Variants in SLC30A7 observed in about 807,000 individuals in gnomAD.
The protein encoded by SLC30A7 is zinc transporter 7.
Under a neutral mutation model 46.0 loss-of-function variants are expected in SLC30A7, and 35 were observed. The ratio of observed to expected loss-of-function variants is 0.76; its 90% confidence interval spans 0.58 to 1.01. SLC30A7 has a LOEUF of 1.01. SLC30A7 is among the 50% of genes least tolerant of loss of function. The pLI is 0.00. For synonymous variants in SLC30A7, 147 were observed against 157.8 expected (o/e 0.93, Z 0.51); for missense variants, 464 against 451.1 (o/e 1.03, Z -0.26).
rs1557968325 is a variant in SLC30A7 at position 100,896,112 on chromosome 1, G to GTGTGTC, written c.-141_-136dup. The stretch of plus-strand genomic sequence containing the variant: ...GCCGGAAGTAAGCGAATTCCCGGGT[G>GTGTGTC]TGTGTCTGTGTCTGTCTGTGTCTCG... On this transcript the variant is annotated 5_prime_UTR_variant, in exon 1 of 11. Transcript: ENST00000357650. 2 of 674,616 alleles carry GTGTGTC rather than the reference G, an allele frequency of 3.0e-6. No homozygotes were observed. The highest frequency in any genetic ancestry group is 5.3e-6 in the Non-Finnish European group (2 of 376,938). 41.8% of individuals were successfully genotyped at this position (674,616 alleles called of 1,614,324 possible).
intron 8 of SLC30A7, among the ~76,000 whole-genome samples, chr1:100,948,250 C>T (rs1346579921): frequency 6.6e-6 from 1 of 151,774 alleles, no homozygotes; most frequent in Non-Finnish European, 1.5e-5. Flanking sequence ...CCCACAGAAT[C>T]TCTCCACATT....
chr1:100,954,404 T>TA (rs916584865), intron 8 of SLC30A7, among the ~76,000 whole-genome samples: 5 of 152,066 alleles, frequency 3.3e-5, no homozygotes, highest in Non-Finnish European at 7.4e-5. Context: ...AGGATTAAAT[T>TA]AAAAAAAATT....
At chr1:100,973,064 A>C (rs1384502794) in intron 10 of SLC30A7, among the ~76,000 whole-genome samples, 1 of 151,802 alleles carries the variant, frequency 6.6e-6, no homozygotes, top group Non-Finnish European at 1.5e-5. Flanking sequence ...ACAGGAAAAA[A>C]AAAAAGAAAA....
At chr1:100,924,258 A>C (rs1213857479) in intron 8 of SLC30A7, among the ~76,000 whole-genome samples, 5 of 152,150 alleles carry the variant, frequency 3.3e-5, no homozygotes, top group Non-Finnish European at 5.9e-5. Context: ...GGTCTCTCTC[A>C]GTACTTCTCA....
intron 5 of SLC30A7, among the ~76,000 whole-genome samples, chr1:100,912,524 A>G (rs1390150165): frequency 6.6e-6 from 1 of 152,120 alleles, no homozygotes; most frequent in Admixed American, 6.5e-5. Context: ...AAATCTACTT[A>G]TCAGAAAGTT....
In SLC30A7 at chr1:100,961,878, C is replaced by A; in HGVS notation, c.893C>A (p.Pro298His). The stretch of plus-strand genomic sequence containing the variant: ...GTTGGAATATTAATGCAGAGAACTC[C>A]TCCCCTATTAGAAAATAGTCTGCCT... ...ESVGILMQRT[P>H]PLLENSLPQC... Residue 298 changes from proline to histidine, a missense_variant, in exon 9 of 11, where the codon CCT becomes CAT. Pro to His is a moderately conservative substitution (Grantham distance 77). Transcript: ENST00000357650. 6.2e-7 allele frequency: 1 copy of A among 1,608,038 alleles called. No individual in the cohort carries two copies. Among genetic ancestry groups the A allele is most frequent in the Non-Finnish European group, 8.5e-7 (1 of 1,176,280 alleles).
chr1:100,904,689 T>G (rs1420025022), intron 2 of SLC30A7, among the ~76,000 whole-genome samples: 1 of 152,238 alleles, frequency 6.6e-6, no homozygotes, highest in African/African-American at 2.4e-5. Flanking sequence ...TTTGTGCTTT[T>G]AGTAATCTCT....
chr1:100,970,894 A>G (rs1162262542), intron 10 of SLC30A7, among the ~76,000 whole-genome samples: 3 of 152,276 alleles, frequency 2.0e-5, no homozygotes, highest in Admixed American at 6.5e-5. Context: ...AGAAAAGTCT[A>G]TAATACGCTT....
Position 100,913,679 on chromosome 1 carries a change from T to C in SLC30A7, c.528T>C (p.His176=), listed in dbSNP as rs1652281333. Residue 176 remains histidine, a synonymous_variant, in exon 6 of 11, where the codon CAT becomes CAC. Transcript: ENST00000357650. ...GTTTTCTAGGCCACGGACACAGTCA[T>C]TCCCTCTTTAATGGTGCTCTAGATC... ...HSHGSGHGHS[H]SLFNGALDQA... The C allele has an allele frequency of 1.9e-6, 3 of 1,613,752 alleles. No individual in the cohort carries two copies.
At chr1:100,962,417 T>C (rs568748815) in intron 9 of SLC30A7, among the ~76,000 whole-genome samples, 28 of 152,344 alleles carry the variant, frequency 1.8e-4, no homozygotes, top group Non-Finnish European at 3.2e-4. Context: ...CTAAGGAAGT[T>C]ATATTCAAGG....
intron 2 of SLC30A7, among the ~76,000 whole-genome samples, chr1:100,905,322 C>G (rs1465782335): frequency 6.6e-6 from 1 of 151,586 alleles, no homozygotes; most frequent in Non-Finnish European, 1.5e-5. Flanking sequence ...CTTTCTTCCC[C>G]TCTGGTTTTC....
At chr1:100,917,952 G>C in intron 6 of SLC30A7, 125 bp from the exon 7 acceptor site, 1 of 544,492 alleles carries the variant, frequency 1.8e-6, no homozygotes, top group Non-Finnish European at 3.1e-6. Flanking sequence ...AAATAAATTT[G>C]TAAGTTTGAT....
intron 8 of SLC30A7, among the ~76,000 whole-genome samples, chr1:100,926,988 C>T (rs1356881429): frequency 6.6e-6 from 1 of 151,962 alleles, no homozygotes; most frequent in Non-Finnish European, 1.5e-5. Flanking sequence ...GAAGAATATC[C>T]CTGGTGAGGG....
At chr1:100,930,105 GA>G (rs1355719365) in intron 8 of SLC30A7, among the ~76,000 whole-genome samples, 2 of 151,848 alleles carry the variant, frequency 1.3e-5, no homozygotes, top group Non-Finnish European at 2.9e-5. Context: ...GCAGGATATA[GA>G]AATATACTTT....
chr1:100,971,632 C>G (rs972916033), intron 10 of SLC30A7, among the ~76,000 whole-genome samples: 1 of 151,988 alleles, frequency 6.6e-6, no homozygotes, highest in Non-Finnish European at 1.5e-5. Context: ...GTGATCAGTA[C>G]CTAACATATT....
At chr1:100,928,889 G>A (rs1210518830) in intron 8 of SLC30A7, among the ~76,000 whole-genome samples, 3 of 152,030 alleles carry the variant, frequency 2.0e-5, no homozygotes, top group Admixed American at 6.6e-5. Flanking sequence ...GCATTCACAG[G>A]TTTCAGATGA....
intron 9 of SLC30A7, among the ~76,000 whole-genome samples, chr1:100,963,849 A>G (rs1655688857): frequency 6.6e-6 from 1 of 152,154 alleles, no homozygotes; most frequent in South Asian, 2.1e-4. Flanking sequence ...AGAGGAAGAA[A>G]TTGTTATAGT....
intron 8 of SLC30A7, among the ~76,000 whole-genome samples, chr1:100,928,034 A>G (rs1022709701): frequency 1.3e-5 from 2 of 152,158 alleles, no homozygotes; most frequent in Non-Finnish European, 2.9e-5. Context: ...AGACCTGATG[A>G]TGGGTGGATT....
At chr1:100,993,141 C>CT in the SLC30A7 span, among the ~76,000 whole-genome samples, 18 of 152,222 alleles carry the variant, frequency 1.2e-4, no homozygotes, top group African/African-American at 3.4e-4. Flanking sequence ...ACTGTTTCCT[C>CT]TAAGAAAAGT....
Sources: gnomAD v4.1 joint callset for allele counts (sites outside exome capture counted in the v4.1 genomes callset) on GRCh38, gnomAD v4.1.1 for gene constraint, MANE v1.5 for transcripts, NCBI Gene and HGNC (gene_info 2026-07-23, HGNC 2026-07-21) for gene names.